CCDC85C: variants seen among roughly 807,000 people sequenced by gnomAD.
CCDC85C encodes coiled-coil domain-containing protein 85C.
In CCDC85C, 18 loss-of-function variants were observed where a neutral mutation model predicts 38.3. That is an observed-to-expected ratio of 0.47 (90% CI 0.33 to 0.70). The LOEUF (loss-of-function observed/expected upper bound fraction) is 0.70, where lower values mean the gene tolerates loss of function less well. Among genes scored for constraint, CCDC85C ranks in the 30% least tolerant of loss-of-function variants. The pLI, the probability that CCDC85C is intolerant of heterozygous loss-of-function variation, is 0.03. For missense variants in CCDC85C, 566 were observed against 621.2 expected (o/e 0.91, Z 0.94); for synonymous variants, 264 against 293.8 (o/e 0.90, Z 1.04).
rs1897194670 is a variant in CCDC85C at position 99,514,806 on chromosome 14, G to A, written c.*440C>T. 1 of 157,606 alleles carries A rather than the reference G, an allele frequency of 6.3e-6. No individual in the cohort carries two copies. The highest frequency in any genetic ancestry group is 2.4e-5 in the African/African-American group (1 of 41,614). 9.8% of individuals were successfully genotyped at this position (157,606 alleles called of 1,614,324 possible). ...ATTTGGGCAAGAAGTGGTGCCACCT[G>A]CGTCAAGACCCAGGTAGTGGTGGTC... On this transcript the variant is annotated 3_prime_UTR_variant, in exon 6 of 6. Transcript: ENST00000380243.
rs1309966138 is a variant in CCDC85C at position 99,519,048 on chromosome 14, C to T, written c.976-1865G>A. Among the ~76,000 whole-genome samples, 10 of 149,402 alleles carry T rather than the reference C, an allele frequency of 6.7e-5. No homozygotes were observed. In the East Asian group the frequency reaches 2.0e-3, roughly 29 times the overall value. ...TTAGGGCAGATGGGCCCACTGAGTC[C>T]TTGCCACACTGCTCCCAGCAGGCAC... On this transcript the variant is annotated intron_variant, in intron 3 of 5. Transcript: ENST00000380243.
At chr14:99,592,345 A>C (rs988748702) in intron 1 of CCDC85C, among the ~76,000 whole-genome samples, 1 of 152,144 alleles carries the variant, frequency 6.6e-6, no homozygotes, top group African/African-American at 2.4e-5. Flanking sequence ...AAGGGACCCA[A>C]ACCCAGAAGA....
intron 1 of CCDC85C, among the ~76,000 whole-genome samples, chr14:99,539,030 C>T (rs115776572): frequency 0.02 from 3,032 of 152,304 alleles, 105 homozygotes; most frequent in African/African-American, 0.069. Flanking sequence ...TGAGGTTTAC[C>T]CCAAACCCCA....
chr14:99,589,614 GCA>G (rs1566784024), intron 1 of CCDC85C, among the ~76,000 whole-genome samples: 1 of 152,228 alleles, frequency 6.6e-6, no homozygotes, highest in African/African-American at 2.4e-5. Context: ...ATGCAGGACT[GCA>G]CAGTCATTTT....
intron 1 of CCDC85C, among the ~76,000 whole-genome samples, chr14:99,536,843 CA>C (rs1488428652): frequency 2.0e-5 from 3 of 152,134 alleles, no homozygotes; most frequent in African/African-American, 7.2e-5. Flanking sequence ...CAGGAAAACA[CA>C]AAAAAATCCC....
At position 99,603,933 on chromosome 14, in the gene CCDC85C, C is replaced by G. The variant is rs531394697; in HGVS notation, c.27G>C (p.Ala9=). 2.8e-6 allele frequency: 4 copies of G among 1,410,226 alleles called. No homozygotes were observed. The Admixed American group carries it at 1.2e-4, about 41-fold the overall frequency. 87.4% of individuals were successfully genotyped at this position (1,410,226 alleles called of 1,614,324 possible). A position where few individuals can be genotyped will look rare whatever the true frequency, so the allele number is the denominator to read the frequency against. MAKPAATA[A]AASEELSQVP... ...CCTGGCTCAGCTCCTCCGACGCCGC[C>G]GCCGCCGTCGCCGCGGGCTTAGCCA... The change falls in exon 1 of 6, where the codon GCG becomes GCC. Residue 9 remains alanine, a synonymous_variant. Transcript: ENST00000380243. This position sits in a 1 kb window ranked among gnomAD's most constrained non-coding sequence, Gnocchi z 7.5.
rs1474416807 is a variant in CCDC85C at position 99,500,316 on chromosome 14, A to G, written c.*14930T>C. The G allele has an allele frequency of 3.7e-5, 7 of 190,572 alleles. No individual in the cohort carries two copies. Among genetic ancestry groups the G allele is most frequent in the Non-Finnish European group, 6.5e-5 (6 of 92,290 alleles). 11.8% of individuals were successfully genotyped at this position (190,572 alleles called of 1,614,324 possible). A position where few individuals can be genotyped will look rare whatever the true frequency, so the allele number is the denominator to read the frequency against. Reference sequence around the variant, plus strand: ...TACACACACATACACACACACTGGTACAATTTATCTCTGAGTTTTCATGAG... The same window carrying G: ...TACACACACATACACACACACTGGTGCAATTTATCTCTGAGTTTTCATGAG... On this transcript the variant is annotated 3_prime_UTR_variant, in exon 6 of 6. Coordinates refer to ENST00000380243, the MANE Select transcript of CCDC85C (RefSeq NM_001144995.2).
chr14:99,599,516 C>T lies in CCDC85C; in HGVS notation c.793+3651G>A, dbSNP rs571731826. On this transcript the variant is annotated intron_variant, in intron 1 of 5. Coordinates refer to ENST00000380243, the MANE Select transcript of CCDC85C (RefSeq NM_001144995.2). ...CCTGACTTTCTGGTGTTGGGGTTTA[C>T]CTGTCTCAGTGTGCCACACTGGACT... is the stretch of plus-strand genomic sequence containing the variant. Among the ~76,000 whole-genome samples, 8 of 152,306 alleles carry T rather than the reference C, an allele frequency of 5.3e-5. 1 individual carries two copies. The South Asian group carries it at 1.7e-3, about 32-fold the overall frequency.
rs1309050500 is a variant in CCDC85C at position 99,510,134 on chromosome 14, A to T, written c.*5112T>A. ...CAACCATTGCTGGCGGAGGCCGGGC[A>T]CTGATGCGTCTCTCTCCTGCAGACC... On this transcript the variant is annotated 3_prime_UTR_variant, in exon 6 of 6. Transcript: ENST00000380243. The T allele has an allele frequency of 2.5e-6, 4 of 1,583,448 alleles. No homozygotes were observed. The highest frequency in any genetic ancestry group is 4.5e-5 in the East Asian group (2 of 44,054).
In CCDC85C at chr14:99,522,249, G is replaced by A; in HGVS notation, c.868-9C>T. ...TCTCCGGAGCCTGCCTGCTGCAGGG[G>A]AGAGAAGGAGAGGGGTTAGACGGAG... On this transcript the variant is annotated splice_polypyrimidine_tract_variant and intron_variant, in intron 2 of 5. Coordinates refer to ENST00000380243, the MANE Select transcript of CCDC85C (RefSeq NM_001144995.2). The A allele has an allele frequency of 6.5e-7, 1 of 1,539,566 alleles. No homozygotes were observed. The highest frequency in any genetic ancestry group is 8.8e-7 in the Non-Finnish European group (1 of 1,141,260).
chr14:99,596,912 G>A (rs1301375936), intron 1 of CCDC85C, among the ~76,000 whole-genome samples: 6 of 152,224 alleles, frequency 3.9e-5, no homozygotes, highest in South Asian at 2.1e-4. Context: ...ACCTGGGAGC[G>A]GCAGCATCTC....
intron 1 of CCDC85C, among the ~76,000 whole-genome samples, chr14:99,537,695 GACC>G (rs1216301999): frequency 6.6e-6 from 1 of 152,176 alleles, no homozygotes; most frequent in African/African-American, 2.4e-5. Flanking sequence ...CTGCCAGGCA[GACC>G]ACCCCTGCCC....
At position 99,603,447 on chromosome 14, in the gene CCDC85C, C is replaced by T; in HGVS notation, c.513G>A (p.Gly171=). The change falls in exon 1 of 6, where the codon GGG becomes GGA. Residue 171 remains glycine (G), a synonymous_variant. Coordinates refer to ENST00000380243, the MANE Select transcript of CCDC85C (RefSeq NM_001144995.2). This position sits in a 1 kb window ranked among gnomAD's most constrained non-coding sequence, Gnocchi z 7.5. ...TGGAGCTGCGGGAGCCGGCGCCGCC[C>T]CCGCCGCCGCCGCCACCGCTTGCGG... The part of the protein sequence containing the change: ...TGAASGGGGG[G]GGAGSRSSID... The T allele has an allele frequency of 7.9e-7, 1 of 1,271,968 alleles. No homozygotes were observed. The highest frequency in any genetic ancestry group is 2.7e-5 in the South Asian group (1 of 37,480). 78.8% of individuals were successfully genotyped at this position (1,271,968 alleles called of 1,614,324 possible).
chr14:99,555,682 G>A (rs138807914), intron 1 of CCDC85C, among the ~76,000 whole-genome samples: 1 of 152,348 alleles, frequency 6.6e-6, no homozygotes, highest in East Asian at 1.9e-4. Flanking sequence ...AAGGACGGGA[G>A]AAGTTAGAAA....
At chr14:99,538,229 C>T (rs934549925) in intron 1 of CCDC85C, among the ~76,000 whole-genome samples, 3 of 151,932 alleles carry the variant, frequency 2.0e-5, no homozygotes, top group Non-Finnish European at 4.4e-5. Context: ...GTGAGCCTTC[C>T]AGCCCCTCTC....
chr14:99,522,156 A>G lies in CCDC85C; in HGVS notation c.952T>C (p.Ser318Pro). ...ACGTTCTGCAGGGAGTCCTGGTAGGAGGGCGGCAGGGACGCAAGCTGGGAC... is the reference window on the plus strand; with the variant it reads ...ACGTTCTGCAGGGAGTCCTGGTAGGGGGGCGGCAGGGACGCAAGCTGGGAC... ...SESQLASLPP[S>P]YQDSLQNGPA... Residue 318 changes from serine to proline, a missense_variant, in exon 3 of 6, where the codon TCC (serine) becomes CCC (proline). By Grantham distance (74) the Ser-to-Pro change is moderately conservative. Around this residue, in one of 3 missense-constraint regions of CCDC85C, gnomAD observed 286 missense variants for 276.4 expected, o/e 1.03. Coordinates refer to ENST00000380243, the MANE Select transcript of CCDC85C (RefSeq NM_001144995.2). 1 of 1,551,022 alleles carries G rather than the reference A, an allele frequency of 6.4e-7. No individual in the cohort carries two copies. The highest frequency in any genetic ancestry group is 8.7e-7 in the Non-Finnish European group (1 of 1,146,806).
intron 2 of CCDC85C, among the ~76,000 whole-genome samples, chr14:99,523,819 A>G (rs550978739): frequency 6.6e-6 from 1 of 152,264 alleles, no homozygotes; most frequent in African/African-American, 2.4e-5. Context: ...CTGAACCATC[A>G]AATGGGACTG....
In CCDC85C at chr14:99,515,179, G is replaced by T; in HGVS notation, c.*67C>A. 1 of 1,186,314 alleles carries T rather than the reference G, an allele frequency of 8.4e-7. No homozygotes were observed. The highest frequency in any genetic ancestry group is 1.2e-6 in the Non-Finnish European group (1 of 825,798). 73.5% of individuals were successfully genotyped at this position (1,186,314 alleles called of 1,614,324 possible). On this transcript the variant is annotated 3_prime_UTR_variant, in exon 6 of 6. Coordinates refer to ENST00000380243, the MANE Select transcript of CCDC85C (RefSeq NM_001144995.2). ...GGGCTGGGCTGGAGGTCCTGCCCGT[G>T]TCTGGGGCCTGAAACTCCCCCTGGG... is the stretch of plus-strand genomic sequence containing the variant.
At chr14:99,534,118 G>A (rs1293069412) in intron 2 of CCDC85C, among the ~76,000 whole-genome samples, 3 of 152,198 alleles carry the variant, frequency 2.0e-5, no homozygotes, top group East Asian at 1.9e-4. Context: ...CACTTTGGGA[G>A]CCTGATGTGA....
Sources: gnomAD v4.1 joint callset for allele counts (sites outside exome capture counted in the v4.1 genomes callset) on GRCh38, gnomAD v4.1.1 for gene constraint, gnomAD v4.1.1 regional missense constraint, Gnocchi (gnomAD v3.1) non-coding constraint, MANE v1.5 for transcripts, NCBI Gene and HGNC (gene_info 2026-07-23, HGNC 2026-07-21) for gene names.